Variants in CLEC12A observed in about 807,000 individuals in gnomAD.
CLEC12A encodes the protein C-type lectin protein CLL-1.
In CLEC12A, 22 loss-of-function variants were observed where a neutral mutation model predicts 26.5. The observed-to-expected ratio is 0.83, with a 90% confidence interval of 0.59 to 1.19. The LOEUF (loss-of-function observed/expected upper bound fraction) is 1.19, where lower values mean the gene tolerates loss of function less well. Among genes scored for constraint, CLEC12A ranks in the 50% most tolerant of loss-of-function variants. The pLI, the probability that CLEC12A is intolerant of heterozygous loss-of-function variation, is 0.00. For missense variants in CLEC12A, 353 were observed against 315.6 expected (o/e 1.12, Z -0.90); for synonymous variants, 119 against 101.9 (o/e 1.17, Z -1.01).
the CLEC12A span, among the ~76,000 whole-genome samples, chr12:10,001,076 T>TA: frequency 6.6e-6 from 1 of 152,220 alleles, no homozygotes; most frequent in Non-Finnish European, 1.5e-5. Context: ...TTAAATCAGA[T>TA]ATGTAAAGGT....
In CLEC12A at chr12:9,966,227, C is replaced by A. The variant is rs148040073; in HGVS notation, c.11-5350C>A. ...AAGGTAATGTGGAGTGGGTAGCCTC[C>A]GTATTGATTAAGAAGGGGACGGGCT... On this transcript the variant is annotated intron_variant, in intron 1 of 6. Transcript: ENST00000355690. Among the ~76,000 whole-genome samples the A allele has an allele frequency of 4.6e-3, 704 of 152,154 alleles. 2 individuals carry two copies. Among genetic ancestry groups the A allele is most frequent in the African/African-American group, 0.016 (672 of 41,484 alleles).
downstream of CLEC12A, chr12:9,997,188 T>C (rs760732267): frequency 1.2e-6 from 2 of 1,613,908 alleles, no homozygotes; most frequent in African/African-American, 2.7e-5. Context: ...CTGATTGTTT[T>C]ACCACATATT....
At chr12:9,993,549 G>T (rs1012999393) in intron 4 of CLEC12A, among the ~76,000 whole-genome samples, 1 of 152,124 alleles carries the variant, frequency 6.6e-6, no homozygotes, top group Admixed American at 6.6e-5. Context: ...GAGCCCTGAA[G>T]AAGTGATGGA....
the CLEC12A span, among the ~76,000 whole-genome samples, chr12:10,005,187 C>A: frequency 7.9e-5 from 12 of 151,992 alleles, no homozygotes; most frequent in Non-Finnish European, 1.8e-4. Flanking sequence ...TTTCTGGGGA[C>A]CAATGGTTAA....
At position 9,971,617 on chromosome 12, in the gene CLEC12A, TGC is replaced by T; in HGVS notation, c.22_23del (p.Ala8ArgfsTer9). The stretch of plus-strand genomic sequence containing the variant: ...CATCAATGTCTGAAGAAGTTACTTA[TGC>T]AGATCTTCAATTCCAGAACTCCAGT... MSEEVTY[A>X]DLQFQNSSEM... On this transcript the variant is annotated frameshift_variant, in exon 1 of 6. Coordinates refer to ENST00000304361, the MANE Select transcript of CLEC12A (RefSeq NM_138337.6). LOFTEE classifies it high-confidence loss of function. 1 of 1,608,704 alleles carries T rather than the reference TGC, an allele frequency of 6.2e-7. No homozygotes were observed. The highest frequency in any genetic ancestry group is 8.5e-7 in the Non-Finnish European group (1 of 1,177,588).
At chr12:9,978,917 T>C in intron 1 of CLEC12A, 49 bp from the exon 2 acceptor site, 1 of 1,296,692 alleles carries the variant, frequency 7.7e-7, no homozygotes, top group Non-Finnish European at 1.1e-6. Flanking sequence ...ATAATCCAAA[T>C]GAAAGTTATA....
downstream of CLEC12A, among the ~76,000 whole-genome samples, chr12:9,989,088 T>C (rs1864834595): frequency 6.6e-6 from 1 of 151,804 alleles, no homozygotes; most frequent in South Asian, 2.1e-4. Context: ...CTGGAAACCA[T>C]CATTCTCAGC....
chr12:9,963,695 A>C (rs1008481129), intron 1 of CLEC12A, among the ~76,000 whole-genome samples: 1 of 152,204 alleles, frequency 6.6e-6, no homozygotes, highest in Admixed American at 6.5e-5. Flanking sequence ...TCCAATTAGC[A>C]GGTAGACACA....
At chr12:9,965,115 T>G (rs1467408677) in intron 1 of CLEC12A, among the ~76,000 whole-genome samples, 1 of 152,118 alleles carries the variant, frequency 6.6e-6, no homozygotes, top group Non-Finnish European at 1.5e-5. Context: ...TAGTTTGTGA[T>G]TTTTTGGGCC....
upstream of CLEC12A, among the ~76,000 whole-genome samples, chr12:9,970,116 A>T (rs902322719): frequency 6.6e-6 from 1 of 152,198 alleles, no homozygotes; most frequent in African/African-American, 2.4e-5. Flanking sequence ...GGAGAAAATC[A>T]GTTGTTTTAA....
At chr12:9,968,595 A>G (rs545607638), upstream of CLEC12A, among the ~76,000 whole-genome samples, 98 of 152,316 alleles carry the variant, frequency 6.4e-4, no homozygotes, top group African/African-American at 2.2e-3. Context: ...GAATGTCATC[A>G]GTTAACGCAG....
At chr12:10,001,185 C>T in the CLEC12A span, among the ~76,000 whole-genome samples, 1 of 152,094 alleles carries the variant, frequency 6.6e-6, no homozygotes, top group Non-Finnish European at 1.5e-5. Flanking sequence ...AATTAGATTG[C>T]TTTGTTGAGG....
intron 1 of CLEC12A, among the ~76,000 whole-genome samples, chr12:9,953,628 G>T (rs1863686208): frequency 6.6e-6 from 1 of 151,814 alleles, no homozygotes; most frequent in Non-Finnish European, 1.5e-5. Context: ...CCGTCCGGGA[G>T]GTGAGGGGCG....
At chr12:9,998,546 T>C (rs1314804097), downstream of CLEC12A, among the ~76,000 whole-genome samples, 2 of 130,468 alleles carry the variant, frequency 1.5e-5, no homozygotes, top group Non-Finnish European at 3.4e-5. Context: ...ACAATAGGCA[T>C]GGCCCACCCC....
intron 1 of CLEC12A, among the ~76,000 whole-genome samples, chr12:9,955,362 C>T (rs1370781474): frequency 6.6e-6 from 1 of 152,182 alleles, no homozygotes; most frequent in East Asian, 1.9e-4. Context: ...GCTGGGATTA[C>T]AGGTGTAAGC....
intron 1 of CLEC12A, among the ~76,000 whole-genome samples, chr12:9,963,556 T>C (rs1319464683): frequency 6.6e-6 from 1 of 151,930 alleles, no homozygotes; most frequent in Non-Finnish European, 1.5e-5. Flanking sequence ...AGTCTTAAAC[T>C]GATAAGCAAG....
downstream of CLEC12A, chr12:9,999,108 C>G (rs376994917): frequency 4.4e-6 from 7 of 1,598,004 alleles, no homozygotes; most frequent in South Asian, 7.9e-5. Flanking sequence ...CATGGCTTCC[C>G]GAGTACTGCA....
downstream of CLEC12A, chr12:9,998,392 T>C (rs768703428): frequency 2.5e-6 from 4 of 1,598,716 alleles, no homozygotes; most frequent in Admixed American, 3.3e-5. Flanking sequence ...TGTAGGCATA[T>C]AATAAAGACA....
downstream of CLEC12A, among the ~76,000 whole-genome samples, chr12:9,987,783 A>T (rs1381722230): frequency 6.6e-6 from 1 of 151,538 alleles, no homozygotes; most frequent in African/African-American, 2.4e-5. Context: ...GCCCCAGATC[A>T]TTTTACCTTT....
Sources: gnomAD v4.1 joint callset for allele counts (sites outside exome capture counted in the v4.1 genomes callset) on GRCh38, gnomAD v4.1.1 for gene constraint, MANE v1.5 for transcripts, NCBI Gene and HGNC (gene_info 2026-07-23, HGNC 2026-07-21) for gene names.